PTPRT: variants seen among roughly 807,000 people sequenced by gnomAD.
PTPRT encodes the protein receptor-type tyrosine-protein phosphatase T.
In PTPRT, 56 loss-of-function variants were observed where a neutral mutation model predicts 176.8. That is an observed-to-expected ratio of 0.32 (90% confidence interval 0.26 to 0.40). PTPRT has a LOEUF of 0.40. Ranked by LOEUF, PTPRT falls within the 10% of genes least tolerant of loss-of-function variation. PTPRT has a pLI of 1.00. For missense variants in PTPRT, 1,540 were observed against 1,908.2 expected, an observed-to-expected ratio of 0.81 and a Z score of 3.60; for synonymous variants, 783 against 739.0, an observed-to-expected ratio of 1.06 and a Z score of -0.96.
At chr20:42,923,954 C>T (rs917513159) in intron 1 of PTPRT, among the ~76,000 whole-genome samples, 2 of 152,146 alleles carry the variant, frequency 1.3e-5, no homozygotes, top group African/African-American at 2.4e-5. Flanking sequence ...AAACGATTCT[C>T]GTGCCTCAGC....
chr20:42,209,248 A>T (rs999792712), intron 15 of PTPRT, among the ~76,000 whole-genome samples: 3 of 152,162 alleles, frequency 2.0e-5, no homozygotes, highest in African/African-American at 7.2e-5. Flanking sequence ...TAGAAAAGCA[A>T]GAGCAAACAC....
intron 9 of PTPRT, among the ~76,000 whole-genome samples, chr20:42,380,059 C>G (rs997908546): frequency 6.6e-6 from 1 of 152,160 alleles, no homozygotes; most frequent in Non-Finnish European, 1.5e-5. Flanking sequence ...TGCCCAAGGC[C>G]TATAGAGTAA....
intron 9 of PTPRT, among the ~76,000 whole-genome samples, chr20:42,408,313 C>T (rs1391548447): frequency 2.0e-5 from 3 of 151,784 alleles, no homozygotes; most frequent in African/African-American, 7.3e-5. Context: ...ACAGAAATAC[C>T]AGAAGAGATT....
chr20:42,975,489 T>C (rs1178506753), intron 1 of PTPRT, among the ~76,000 whole-genome samples: 1 of 152,228 alleles, frequency 6.6e-6, no homozygotes, highest in Non-Finnish European at 1.5e-5. Flanking sequence ...CTTTTTTATA[T>C]AAAAACCTTT....
At chr20:43,013,913 G>C (rs1255557682) in intron 1 of PTPRT, among the ~76,000 whole-genome samples, 1 of 152,146 alleles carries the variant, frequency 6.6e-6, no homozygotes, top group African/African-American at 2.4e-5. Flanking sequence ...GACATGAGGA[G>C]AATAATAGCA....
At chr20:43,025,291 T>A (rs1230097351) in intron 1 of PTPRT, among the ~76,000 whole-genome samples, 1 of 152,256 alleles carries the variant, frequency 6.6e-6, no homozygotes, top group Non-Finnish European at 1.5e-5. Flanking sequence ...GGTCTCCTAA[T>A]GACTATGTGA....
At chr20:42,092,769 A>G (rs988218467) in intron 27 of PTPRT, among the ~76,000 whole-genome samples, 2 of 152,184 alleles carry the variant, frequency 1.3e-5, no homozygotes, top group Non-Finnish European at 2.9e-5. Context: ...GCAGCAAGAG[A>G]CATCTCTGAA....
At chr20:42,179,611 A>G (rs1990432638) in intron 16 of PTPRT, among the ~76,000 whole-genome samples, 1 of 152,202 alleles carries the variant, frequency 6.6e-6, no homozygotes, top group Non-Finnish European at 1.5e-5. Context: ...TAACTAATAA[A>G]TTTTCATGCT....
rs140947287 is a variant in PTPRT at position 42,251,187 on chromosome 20, C to T, written c.2177-2365G>A. Among the ~76,000 whole-genome samples the T allele has an allele frequency of 3.9e-5, 6 of 152,332 alleles. No homozygotes were observed. The East Asian group carries it at 1.2e-3, about 29-fold the overall frequency. ...GAGGAAGGGTTGTCTCTGGGGCATT[C>T]ACTCACTGGCACAGCCCAATTTTAC... On this transcript the variant is annotated intron_variant, in intron 13 of 30. Coordinates refer to ENST00000373187, the MANE Select transcript of PTPRT (RefSeq NM_007050.6).
At chr20:42,723,075 T>C (rs894758668) in intron 6 of PTPRT, among the ~76,000 whole-genome samples, 1 of 152,184 alleles carries the variant, frequency 6.6e-6, no homozygotes, top group African/African-American at 2.4e-5. Flanking sequence ...CCTCAGAATG[T>C]CTTCCTAGGG....
chr20:43,145,704 C>G (rs2014148713), intron 1 of PTPRT, among the ~76,000 whole-genome samples: 1 of 152,206 alleles, frequency 6.6e-6, no homozygotes, highest in Non-Finnish European at 1.5e-5. Flanking sequence ...GACCAGATAA[C>G]AGAGAATCAC....
chr20:42,580,281 G>A (rs1205127552), intron 7 of PTPRT, among the ~76,000 whole-genome samples: 2 of 152,128 alleles, frequency 1.3e-5, no homozygotes, highest in Non-Finnish European at 2.9e-5. Flanking sequence ...TTTGGTACCA[G>A]TACCATGCTG....
At chr20:42,844,436 C>A (rs773029745) in intron 2 of PTPRT, among the ~76,000 whole-genome samples, 1 of 152,170 alleles carries the variant, frequency 6.6e-6, no homozygotes, top group Non-Finnish European at 1.5e-5. Flanking sequence ...GGGGTCCTTT[C>A]TATGAGAGTC....
At chr20:42,712,005 T>C (rs940011028) in intron 6 of PTPRT, among the ~76,000 whole-genome samples, 1 of 152,004 alleles carries the variant, frequency 6.6e-6, no homozygotes, top group Non-Finnish European at 1.5e-5. Flanking sequence ...TAACCCAACA[T>C]TGTGTTCAAG....
rs778111562 is a variant in PTPRT, at chr20:42,695,015, G to A, written c.860-16856C>T. On this transcript the variant is annotated intron_variant, in intron 6 of 30. Coordinates refer to ENST00000373187, the MANE Select transcript of PTPRT (RefSeq NM_007050.6). Reference sequence around the variant, plus strand: ...GGGGTGGCTCATGCCTGTAATCCCAGCCCTTTGGGAGGCCGAGGCGGGAGG... The same window carrying A: ...GGGGTGGCTCATGCCTGTAATCCCAACCCTTTGGGAGGCCGAGGCGGGAGG... Among the ~76,000 whole-genome samples the A allele has an allele frequency of 3.2e-4, 48 of 152,156 alleles. 1 individual carries two copies. The highest frequency in any genetic ancestry group is 6.8e-4 in the Non-Finnish European group (46 of 68,018).
rs370745479 is a variant in PTPRT at position 42,764,050 on chromosome 20, T to G, written c.684+7385A>C. On this transcript the variant is annotated intron_variant, in intron 5 of 30. Coordinates refer to ENST00000373187, the MANE Select transcript of PTPRT (RefSeq NM_007050.6). ...CAGCATCTATGAAACTGTGGCAGTC[T>G]ACCTTGTGAGCCTCCAAATAAGGTA... Among the ~76,000 whole-genome samples the G allele has an allele frequency of 6.2e-4, 95 of 152,344 alleles. 1 individual carries two copies. Among genetic ancestry groups the G allele is most frequent in the African/African-American group, 2.2e-3 (92 of 41,580 alleles).
rs181277776 is a variant in PTPRT at position 42,541,895 on chromosome 20, C to T, written c.1154-69333G>A. Among the ~76,000 whole-genome samples, 551 of 149,816 alleles carry T rather than the reference C, an allele frequency of 3.7e-3. 3 individuals are homozygous for T. The highest frequency in any genetic ancestry group is 0.013 in the African/African-American group (527 of 40,898). ...AAAATTACTGTAAAACTAAGTGATA[C>T]GGTTTGGCTGTGTCCCCACCCAAAT... On this transcript the variant is annotated intron_variant, in intron 7 of 30. Coordinates refer to ENST00000373187, the MANE Select transcript of PTPRT (RefSeq NM_007050.6).
chr20:43,174,143 G>C (rs1600771582), intron 1 of PTPRT, among the ~76,000 whole-genome samples: 1 of 152,144 alleles, frequency 6.6e-6, no homozygotes, highest in East Asian at 1.9e-4. Flanking sequence ...TATGAATTTT[G>C]CACAGCACAT....
Position 42,201,950 on chromosome 20 carries a change from C to CGTGTGT in PTPRT, c.2343-2568_2343-2563dup, listed in dbSNP as rs11468258. On this transcript the variant is annotated intron_variant, in intron 15 of 30. Coordinates refer to ENST00000373187, the MANE Select transcript of PTPRT (RefSeq NM_007050.6). ...ATCCCAACCAAGAAGAGAAAAGTTGCGTGTGTGTGTGTGTGTGTGTGTGTG... is the reference window on the plus strand; with the variant it reads ...ATCCCAACCAAGAAGAGAAAAGTTGCGTGTGTGTGTGTGTGTGTGTGTGTGTGTGTG... Among the ~76,000 whole-genome samples, 418 of 143,210 alleles carry CGTGTGT rather than the reference C, an allele frequency of 2.9e-3. 1 individual carries two copies. Among genetic ancestry groups the CGTGTGT allele is most frequent in the South Asian group, 5.8e-3 (26 of 4,462 alleles). The allele number at this position is 143,210 out of a possible 152,430, so 94.0% of individuals were successfully genotyped here.
Sources: allele counts gnomAD v4.1 joint callset (sites outside exome capture counted in the v4.1 genomes callset), GRCh38; gene constraint gnomAD v4.1.1; transcripts MANE v1.5; gene names NCBI Gene and HGNC (gene_info 2026-07-23, HGNC 2026-07-21).